Variants in RAB10 observed in about 807,000 individuals in gnomAD.
The protein encoded by RAB10 is ras-related protein Rab-10.
A neutral mutation model predicts 25.7 loss-of-function variants in RAB10; 5 were observed. That is an observed-to-expected ratio of 0.19 (90% CI 0.10 to 0.41). The LOEUF is 0.41. RAB10 is among the 10% of genes least tolerant of loss of function. The pLI is 1.00. For synonymous variants in RAB10, 89 were observed against 86.4 expected (o/e 1.03, Z -0.16); for missense variants, 103 against 245.8 (o/e 0.42, Z 3.89).
intron 5 of RAB10, among the ~76,000 whole-genome samples, chr2:26,130,163 T>A (rs1014084157): frequency 1.3e-5 from 2 of 152,218 alleles, no homozygotes; most frequent in Non-Finnish European, 2.9e-5. Flanking sequence ...TTTTAAGATT[T>A]TTTTTGAAAG....
chr2:26,123,754 A>G (rs965973731), intron 3 of RAB10, among the ~76,000 whole-genome samples: 27 of 152,370 alleles, frequency 1.8e-4, no homozygotes, highest in African/African-American at 6.5e-4. Context: ...TTACTGTACA[A>G]CATGGACCAT....
chr2:26,049,732 C>A (rs987116515), intron 1 of RAB10, among the ~76,000 whole-genome samples: 1 of 152,048 alleles, frequency 6.6e-6, no homozygotes, highest in South Asian at 2.1e-4. Flanking sequence ...AATCTCATCC[C>A]GCTCTCTGTT....
rs886130373 is a variant in RAB10 at position 26,115,645 on chromosome 2, A to G, written c.327+5739A>G. Among the ~76,000 whole-genome samples the G allele has an allele frequency of 2.0e-5, 3 of 152,172 alleles. No homozygotes were observed. The South Asian group carries it at 6.2e-4, about 32-fold the overall frequency. ...TATAGGGGAGTGATAAAAATATTAT[A>G]AAGTTAGTAGTGGTGATAGTTGAAC... On this transcript the variant is annotated intron_variant, in intron 3 of 5. Coordinates refer to ENST00000264710, the MANE Select transcript of RAB10 (RefSeq NM_016131.5).
chr2:26,110,238 C>T (rs1200955958), intron 3 of RAB10, among the ~76,000 whole-genome samples: 1 of 148,210 alleles, frequency 6.7e-6, no homozygotes, highest in Non-Finnish European at 1.5e-5. Context: ...CTCAAGAGTC[C>T]AAGGCAGGAG....
intron 5 of RAB10, among the ~76,000 whole-genome samples, chr2:26,130,199 G>C (rs1413151045): frequency 6.6e-6 from 1 of 152,034 alleles, no homozygotes; most frequent in Admixed American, 6.5e-5. Context: ...TTGAGTTAAG[G>C]TGAAACCCAT....
At chr2:26,058,556 CT>C (rs1285050619) in intron 1 of RAB10, among the ~76,000 whole-genome samples, 1 of 152,148 alleles carries the variant, frequency 6.6e-6, no homozygotes, top group East Asian at 1.9e-4. Flanking sequence ...TACCACCGTA[CT>C]GTGCCCCGGC....
intron 2 of RAB10, among the ~76,000 whole-genome samples, chr2:26,106,002 T>C (rs931462749): frequency 1.3e-5 from 2 of 152,226 alleles, no homozygotes; most frequent in Admixed American, 1.3e-4. Context: ...TGACATAGTC[T>C]AATGATGCAT....
intron 1 of RAB10, among the ~76,000 whole-genome samples, chr2:26,090,511 TTA>T (rs1491453822): frequency 1.3e-5 from 2 of 150,522 alleles, no homozygotes; most frequent in African/African-American, 4.9e-5. Flanking sequence ...CCTTTTTTTT[TTA>T]TTATTTTCTA....
chr2:26,093,038 A>G (rs373656183), intron 1 of RAB10, among the ~76,000 whole-genome samples: 3 of 152,276 alleles, frequency 2.0e-5, no homozygotes, highest in South Asian at 4.2e-4. Context: ...TTGAAGGGAT[A>G]GGGGCATTAT....
At chr2:26,069,620 C>G (rs765596139) in intron 1 of RAB10, among the ~76,000 whole-genome samples, 4 of 151,868 alleles carry the variant, frequency 2.6e-5, no homozygotes, top group African/African-American at 9.7e-5. Context: ...GAGCCCAGAT[C>G]GCACCACTGC....
Position 26,034,470 on chromosome 2 carries a change from T to C in RAB10, c.-139T>C, listed in dbSNP as rs1665718716. 4.2e-6 allele frequency: 5 copies of C among 1,177,040 alleles called. No individual in the cohort carries two copies. Among genetic ancestry groups the C allele is most frequent in the Non-Finnish European group, 5.9e-6 (5 of 849,974 alleles). The allele number at this position is 1,177,040 out of a possible 1,614,324, so 72.9% of individuals were successfully genotyped here. A position where few individuals can be genotyped will look rare whatever the true frequency, so the allele number is the denominator to read the frequency against. ...GGGCTTCCTCAAAGCTGTTCGTAGG[T>C]CGCCCGCGCCGTCTCGAGCCTTTTT... On this transcript the variant is annotated 5_prime_UTR_variant, in exon 1 of 6. Coordinates refer to ENST00000264710, the MANE Select transcript of RAB10 (RefSeq NM_016131.5).
chr2:26,037,336 C>T (rs1665783869), intron 1 of RAB10, among the ~76,000 whole-genome samples: 1 of 152,078 alleles, frequency 6.6e-6, no homozygotes, highest in African/African-American at 2.4e-5. Context: ...CTGTCGGCTT[C>T]AGGCTCTTTA....
chr2:26,092,259 A>G (rs964138741), intron 1 of RAB10, among the ~76,000 whole-genome samples: 61 of 140,134 alleles, frequency 4.4e-4, no homozygotes, highest in Non-Finnish European at 1.1e-4. Context: ...TCATAGTGAG[A>G]GCTGTGTGTG....
intron 1 of RAB10, among the ~76,000 whole-genome samples, chr2:26,079,044 G>A (rs1666802516): frequency 6.6e-6 from 1 of 152,036 alleles, no homozygotes; most frequent in Non-Finnish European, 1.5e-5. Context: ...AAAATTAGCT[G>A]AGTATGGTGG....
intron 1 of RAB10, among the ~76,000 whole-genome samples, chr2:26,090,115 T>G (rs1232047012): frequency 1.3e-5 from 2 of 152,200 alleles, no homozygotes; most frequent in Admixed American, 6.5e-5. Flanking sequence ...TTCACACTGT[T>G]GAATGGATTT....
chr2:26,105,725 A>G (rs1055372163), intron 2 of RAB10, among the ~76,000 whole-genome samples: 2 of 152,244 alleles, frequency 1.3e-5, no homozygotes, highest in Admixed American at 1.3e-4. Flanking sequence ...ACAGTGCATA[A>G]TGATATTTTA....
rs1667935137 is a variant in RAB10, at chr2:26,127,884, C to G, written c.452C>G (p.Thr151Ser). The G allele has an allele frequency of 1.2e-6, 2 of 1,608,958 alleles. No individual in the cohort carries two copies. Among genetic ancestry groups the G allele is most frequent in the African/African-American group, 2.7e-5 (2 of 74,824 alleles). Residue 151 changes from threonine to serine, a missense_variant, in exon 5 of 6, where the codon ACT becomes AGT. This residue lies in a region of RAB10 where 79 missense variants were observed against 217.8 expected (regional missense o/e 0.36). Transcript: ENST00000264710. ...GAGCATGGTATTAGGTTTTTTGAGA[C>G]TAGTGCAAAAGCAAATATAAACATC... ...AREHGIRFFETSAKANINIEK... is the reference protein window; with the variant it reads ...AREHGIRFFESSAKANINIEK...
intron 1 of RAB10, among the ~76,000 whole-genome samples, chr2:26,061,764 C>G (rs554213636): frequency 6.7e-6 from 1 of 149,518 alleles, no homozygotes; most frequent in Admixed American, 6.7e-5. Flanking sequence ...ACCCCACCCC[C>G]CCTTGTTTTT....
chr2:26,081,165 CTTCTGCCTTGATTG>C (rs1190387176), intron 1 of RAB10, among the ~76,000 whole-genome samples: 2 of 152,140 alleles, frequency 1.3e-5, no homozygotes, highest in East Asian at 3.9e-4. Flanking sequence ...TCTTCCTTGC[CTTCTGCCTTGATTG>C]TGAGGCCTCC....
Sources: allele counts gnomAD v4.1 joint callset (sites outside exome capture counted in the v4.1 genomes callset), GRCh38; gene constraint gnomAD v4.1.1; regional missense constraint gnomAD v4.1.1; transcripts MANE v1.5; gene names NCBI Gene and HGNC (gene_info 2026-07-23, HGNC 2026-07-21).